The following WASHC3 variants were observed in gnomAD, a reference collection of about 807,000 sequenced individuals.
The protein encoded by WASHC3 is WASH complex subunit 3.
Under a neutral mutation model 26.1 loss-of-function variants are expected in WASHC3, and 24 were observed. The ratio of observed to expected loss-of-function variants is 0.92; its 90% CI spans 0.66 to 1.29. WASHC3 has a LOEUF of 1.29. Ranked by LOEUF, WASHC3 falls within the 50% of genes most tolerant of loss-of-function variation. The probability of loss-of-function intolerance (pLI) is 0.00; values close to 1 mark genes in which losing one functional copy is unlikely to be tolerated. For synonymous variants in WASHC3, 77 were observed against 75.7 expected (o/e 1.02, Z -0.09); for missense variants, 214 against 229.6 (o/e 0.93, Z 0.44).
At chr12:102,027,503 T>C (rs1877246969) in intron 5 of WASHC3, among the ~76,000 whole-genome samples, 1 of 152,178 alleles carries the variant, frequency 6.6e-6, no homozygotes, top group African/African-American at 2.4e-5. Context: ...ACAGAGTATC[T>C]TGCATCTCAC....
At chr12:102,023,587 A>G (rs1247710348) in intron 6 of WASHC3, among the ~76,000 whole-genome samples, 3 of 152,182 alleles carry the variant, frequency 2.0e-5, no homozygotes. Context: ...TTATGTAAAC[A>G]TGATTCCAAA....
At chr12:102,016,556 A>G (rs188528162) in intron 6 of WASHC3, among the ~76,000 whole-genome samples, 1 of 152,338 alleles carries the variant, frequency 6.6e-6, no homozygotes, top group East Asian at 1.9e-4. Flanking sequence ...AAAAAAGTTA[A>G]CGTTAAACAG....
At chr12:102,047,851 G>A (rs982504579) in intron 2 of WASHC3, among the ~76,000 whole-genome samples, 1 of 152,122 alleles carries the variant, frequency 6.6e-6, no homozygotes, top group African/African-American at 2.4e-5. Flanking sequence ...ATATGGTACA[G>A]TGTATATGCA....
chr12:102,056,129 G>A (rs78544612), intron 2 of WASHC3, among the ~76,000 whole-genome samples: 16,990 of 152,056 alleles, frequency 0.11, 1,036 homozygotes, highest in Non-Finnish European at 0.13. Flanking sequence ...TTGTTTTGAC[G>A]ATTCTAAAGA....
chr12:102,049,993 T>A (rs577608228), intron 2 of WASHC3, among the ~76,000 whole-genome samples: 4 of 152,268 alleles, frequency 2.6e-5, no homozygotes, highest in South Asian at 4.2e-4. Context: ...TTTCAGAATT[T>A]AAAAAAATTA....
intron 4 of WASHC3, among the ~76,000 whole-genome samples, chr12:102,040,812 T>C (rs1877907760): frequency 6.6e-6 from 1 of 152,054 alleles, no homozygotes; most frequent in Non-Finnish European, 1.5e-5. Context: ...ACCAAACATT[T>C]AGAAAAAGCT....
Position 102,025,969 on chromosome 12 carries a change from CT to C in WASHC3, c.500+4del. 7.1e-7 allele frequency: 1 copy of C among 1,399,900 alleles called. No homozygotes were observed. Among genetic ancestry groups the C allele is most frequent in the Non-Finnish European group, 9.9e-7 (1 of 1,008,922 alleles). 86.7% of individuals were successfully genotyped at this position (1,399,900 alleles called of 1,614,324 possible). ...TAATATCATTATATTAGAAGAATTACTTACTCAAGAAGATCTGGGTCTAGTC... is the reference window on the plus strand; with the variant it reads ...TAATATCATTATATTAGAAGAATTACTACTCAAGAAGATCTGGGTCTAGTC... On this transcript the variant is annotated splice_donor_region_variant and intron_variant, in intron 6 of 6. Coordinates refer to ENST00000240079, the MANE Select transcript of WASHC3 (RefSeq NM_016053.4).
chr12:102,036,099 C>G (rs1362132385), intron 5 of WASHC3, among the ~76,000 whole-genome samples: 7 of 152,192 alleles, frequency 4.6e-5, no homozygotes, highest in Non-Finnish European at 8.8e-5. Flanking sequence ...GTGGCTCACG[C>G]CTGTAATCCC....
intron 6 of WASHC3, chr12:102,019,351 C>G: frequency 2.7e-6 from 1 of 370,060 alleles, no homozygotes; most frequent in South Asian, 2.1e-5. Context: ...ATATTATGAT[C>G]ATAAATGTTC....
intron 6 of WASHC3, among the ~76,000 whole-genome samples, chr12:102,017,444 C>T (rs906159234): frequency 6.6e-5 from 10 of 152,070 alleles, no homozygotes; most frequent in African/African-American, 9.7e-5. Flanking sequence ...GAAACACTTG[C>T]GAAGAGTTTT....
intron 4 of WASHC3, among the ~76,000 whole-genome samples, chr12:102,041,739 C>T (rs1365736008): frequency 6.6e-6 from 1 of 152,006 alleles, no homozygotes; most frequent in African/African-American, 2.4e-5. Flanking sequence ...ATATTAAGAA[C>T]ATGCTGAGCA....
At chr12:102,053,185 A>C (rs946656726) in intron 2 of WASHC3, among the ~76,000 whole-genome samples, 11 of 151,904 alleles carry the variant, frequency 7.2e-5, no homozygotes, top group Non-Finnish European at 1.5e-4. Flanking sequence ...CACCAGGCCC[A>C]CCTTGGAACC....
At chr12:102,043,722 A>T (rs1478663575) in intron 4 of WASHC3, 1 of 152,626 alleles carries the variant, frequency 6.6e-6, no homozygotes, top group Non-Finnish European at 1.5e-5. Context: ...CCAAAAAAAT[A>T]GATGAAGCAA....
chr12:102,057,705 G>T (rs1878646334), intron 2 of WASHC3, among the ~76,000 whole-genome samples: 1 of 152,032 alleles, frequency 6.6e-6, no homozygotes, highest in East Asian at 1.9e-4. Context: ...TTTAACCAGT[G>T]AGGTGAAAGA....
intron 6 of WASHC3, among the ~76,000 whole-genome samples, chr12:102,016,368 C>A (rs1876701774): frequency 6.6e-6 from 1 of 151,570 alleles, no homozygotes; most frequent in African/African-American, 2.4e-5. Context: ...CCATGCCCAG[C>A]TAATTTTTGT....
chr12:102,025,875 C>T, intron 6 of WASHC3, 99 bp downstream of exon 6: 3 of 704,644 alleles, frequency 4.3e-6, no homozygotes, highest in South Asian at 1.6e-5. Context: ...CCATAAAACA[C>T]TGTAGGAATA....
intron 2 of WASHC3, among the ~76,000 whole-genome samples, chr12:102,049,225 C>A (rs1265768333): frequency 6.6e-6 from 1 of 152,172 alleles, no homozygotes; most frequent in African/African-American, 2.4e-5. Context: ...TAGTAGCACT[C>A]CCCAGTTATT....
intron 5 of WASHC3, among the ~76,000 whole-genome samples, chr12:102,027,916 T>C (rs1163964095): frequency 6.6e-6 from 1 of 152,068 alleles, no homozygotes; most frequent in Non-Finnish European, 1.5e-5. Flanking sequence ...AAATAATACA[T>C]GAATCAATAT....
intron 6 of WASHC3, among the ~76,000 whole-genome samples, chr12:102,016,460 C>T (rs1876706590): frequency 6.6e-6 from 1 of 152,182 alleles, no homozygotes; most frequent in Non-Finnish European, 1.5e-5. Flanking sequence ...CTGCCTCAGC[C>T]TCCTAAAGTG....
Sources: gnomAD v4.1 joint callset for allele counts (sites outside exome capture counted in the v4.1 genomes callset) on GRCh38, gnomAD v4.1.1 for gene constraint, MANE v1.5 for transcripts, NCBI Gene and HGNC (gene_info 2026-07-23, HGNC 2026-07-21) for gene names.